The following ZNF503 variants were observed in gnomAD, a reference collection of about 807,000 sequenced individuals.
ZNF503 encodes the protein zinc finger protein 503, also known as NocA-like zinc finger 2.
A neutral mutation model predicts 34.4 loss-of-function variants in ZNF503; 15 were observed. That is an observed-to-expected ratio of 0.44 (90% CI 0.29 to 0.67). ZNF503 has a LOEUF of 0.67. Among genes scored for constraint, ZNF503 ranks in the 30% least tolerant of loss-of-function variants. The pLI is 0.13. For missense variants in ZNF503, 1,007 were observed against 926.8 expected, an observed-to-expected ratio of 1.09 and a Z score of -1.12; for synonymous variants, 580 against 456.8, an observed-to-expected ratio of 1.27 and a Z score of -3.44.
chr10:75,328,453 G>A, the ZNF503 span, among the ~76,000 whole-genome samples: 2 of 152,136 alleles, frequency 1.3e-5, no homozygotes, highest in East Asian at 1.9e-4. Context: ...TGACCTATAT[G>A]TTTGTTTTCT....
chr10:75,329,419 C>CTTCCTTCCTTCCT, the ZNF503 span, among the ~76,000 whole-genome samples: 615 of 71,020 alleles, frequency 8.7e-3, 3 homozygotes, highest in African/African-American at 0.025. Flanking sequence ...CCTTCCTTTC[C>CTTCCTTCCTTCCT]TTCCTTCCTT....
rs774605653 is a variant in ZNF503 at position 75,398,803 on chromosome 10, G to A, written c.1887C>T (p.Pro629=). Residue 629 remains proline (P), a synonymous_variant, in exon 2 of 2, where the codon CCC becomes CCT. Coordinates refer to ENST00000372524, the MANE Select transcript of ZNF503 (RefSeq NM_032772.6). ...TCAGTCTCTGTCCGTAGAGGGCGTA[G>A]GGGGAGTAGTACGGTCCGGTGGCGG... The part of the protein sequence containing the change: ...VPAATGPYYS[P]YALYGQRLTT... 1 of 1,482,100 alleles carries A rather than the reference G, an allele frequency of 6.7e-7. No individual in the cohort carries two copies. The highest frequency in any genetic ancestry group is 1.4e-5 in the South Asian group (1 of 70,834). 91.8% of individuals were successfully genotyped at this position (1,482,100 alleles called of 1,614,324 possible). A position where few individuals can be genotyped will look rare whatever the true frequency, so the allele number is the denominator to read the frequency against.
chr10:75,338,696 G>A, the ZNF503 span, among the ~76,000 whole-genome samples: 2 of 152,112 alleles, frequency 1.3e-5, no homozygotes, highest in African/African-American at 4.8e-5. Context: ...GAACTTTCTG[G>A]AGAGAGAGCA....
chr10:75,368,035 C>T, the ZNF503 span, among the ~76,000 whole-genome samples: 4 of 152,128 alleles, frequency 2.6e-5, no homozygotes, highest in Admixed American at 6.5e-5. Context: ...CATTGAACCT[C>T]GATAAGCATC....
the ZNF503 span, among the ~76,000 whole-genome samples, chr10:75,284,715 T>A: frequency 6.6e-6 from 1 of 152,178 alleles, no homozygotes; most frequent in Non-Finnish European, 1.5e-5. Flanking sequence ...AGTGTCTGGA[T>A]TATAGTCTGC....
the ZNF503 span, among the ~76,000 whole-genome samples, chr10:75,328,993 T>G: frequency 6.6e-6 from 1 of 152,128 alleles, no homozygotes; most frequent in Non-Finnish European, 1.5e-5. Flanking sequence ...GTGATCCACC[T>G]GCCTCAGCCT....
At chr10:75,281,679 C>G in the ZNF503 span, among the ~76,000 whole-genome samples, 92 of 152,282 alleles carry the variant, frequency 6.0e-4, no homozygotes, top group Non-Finnish European at 1.1e-3. Flanking sequence ...ACACTGGTTT[C>G]CAGAGTTAAC....
intron 1 of ZNF503, chr10:75,400,874 T>G (rs1186116445): frequency 3.0e-6 from 2 of 658,290 alleles, no homozygotes; most frequent in East Asian, 5.6e-5. Flanking sequence ...GGCTTTCATA[T>G]CGAAAGGAGA....
the ZNF503 span, among the ~76,000 whole-genome samples, chr10:75,344,084 G>A: frequency 3.2e-3 from 481 of 152,330 alleles, no homozygotes; most frequent in Non-Finnish European, 5.3e-3. Context: ...TGCCTCCTCA[G>A]CTTGGCAGAG....
chr10:75,398,904 G>A lies in ZNF503; in HGVS notation c.1786C>T (p.Leu596=). The A allele has an allele frequency of 6.4e-7, 1 of 1,557,318 alleles. No individual in the cohort carries two copies. Among genetic ancestry groups the A allele is most frequent in the Non-Finnish European group, 8.7e-7 (1 of 1,154,792 alleles). The change falls in exon 2 of 2, where the codon CTG becomes TTG. Residue 596 remains leucine, a synonymous_variant. Coordinates refer to ENST00000372524, the MANE Select transcript of ZNF503 (RefSeq NM_032772.6). ...GGGTGGTAGCGGCTGCTGAGTCCCA[G>A]CGCGTGGTGGGGGCTGCGCAGCGCC... ...TLALRSPHHA[L]GLSSRYHPYS...
the ZNF503 span, among the ~76,000 whole-genome samples, chr10:75,347,381 G>T: frequency 1.4e-5 from 1 of 74,064 alleles, no homozygotes; most frequent in Non-Finnish European, 2.7e-5. Context: ...ATCTGGGCCC[G>T]CAGGGCTGAC....
At chr10:75,400,920 G>A (rs1299084647) in intron 1 of ZNF503, 185 bp downstream of exon 1, 2 of 849,318 alleles carry the variant, frequency 2.4e-6, no homozygotes, top group East Asian at 2.7e-5. Flanking sequence ...TAGCATGCAC[G>A]CCCCATTCCA....
rs1347189688 is a variant in ZNF503 at position 75,400,317 on chromosome 10, T to G, written c.373A>C (p.Lys125Gln). 6.2e-7 allele frequency: 1 copy of G among 1,612,482 alleles called. No individual in the cohort carries two copies. Among genetic ancestry groups the G allele is most frequent in the Admixed American group, 1.7e-5 (1 of 59,924 alleles). The change falls in exon 2 of 2, where the codon AAG becomes CAG. Residue 125 changes from lysine (K) to glutamine (Q), a missense_variant. By Grantham distance (53) the Lys-to-Gln change is moderately conservative. Coordinates refer to ENST00000372524, the MANE Select transcript of ZNF503 (RefSeq NM_032772.6). ...TTGGAGGAGGGCGAGGGGTCGGGCT[T>G]CCCGATCTGCGAACATGTTTGCGCC... ...LLAQTCSQIGKPDPSPSSKLS... is the reference protein window; with the variant it reads ...LLAQTCSQIGQPDPSPSSKLS...
At chr10:75,312,591 A>C in the ZNF503 span, among the ~76,000 whole-genome samples, 1 of 152,246 alleles carries the variant, frequency 6.6e-6, no homozygotes, top group Non-Finnish European at 1.5e-5. Flanking sequence ...AAACCTTTCC[A>C]TCACTATTTG....
At chr10:75,370,594 C>T in the ZNF503 span, among the ~76,000 whole-genome samples, 1 of 151,996 alleles carries the variant, frequency 6.6e-6, no homozygotes, top group African/African-American at 2.4e-5. Flanking sequence ...GCCTGACCAA[C>T]ATGGTGAAAC....
At chr10:75,380,460 G>A in the ZNF503 span, among the ~76,000 whole-genome samples, 2 of 152,132 alleles carry the variant, frequency 1.3e-5, no homozygotes, top group Non-Finnish European at 2.9e-5. Flanking sequence ...GGCCACTGAA[G>A]CAGGCTCTAA....
the ZNF503 span, among the ~76,000 whole-genome samples, chr10:75,333,611 C>T: frequency 4.0e-4 from 30 of 75,188 alleles, no homozygotes; most frequent in Admixed American, 1.0e-3. Flanking sequence ...TCCTCCCGGA[C>T]GGCACGGCTG....
At chr10:75,396,015 A>G (rs1843692411), downstream of ZNF503, among the ~76,000 whole-genome samples, 1 of 152,140 alleles carries the variant, frequency 6.6e-6, no homozygotes, top group Admixed American at 6.5e-5. This position sits in a 1 kb window ranked among gnomAD's most constrained non-coding sequence, Gnocchi z 4.4. Flanking sequence ...TGTGGGTCGC[A>G]GTGGCCAGGA....
the ZNF503 span, among the ~76,000 whole-genome samples, chr10:75,380,786 C>T: frequency 5.9e-5 from 9 of 152,156 alleles, no homozygotes; most frequent in Admixed American, 2.0e-4. Context: ...AATGTGGCCC[C>T]TGAAAATTCT....
Sources: allele counts gnomAD v4.1 joint callset (sites outside exome capture counted in the v4.1 genomes callset), GRCh38; gene constraint gnomAD v4.1.1; non-coding constraint Gnocchi (gnomAD v3.1); transcripts MANE v1.5; gene names NCBI Gene and HGNC (gene_info 2026-07-23, HGNC 2026-07-21).